Variants in ATRN observed in about 807,000 individuals in gnomAD.
ATRN encodes attractin.
A neutral mutation model predicts 178.7 loss-of-function variants in ATRN; 54 were observed. That is an observed-to-expected ratio of 0.30 (90% CI 0.24 to 0.38). The LOEUF (loss-of-function observed/expected upper bound fraction) is 0.38. Among genes scored for constraint, ATRN ranks in the 10% least tolerant of loss-of-function variants. The pLI, the probability that ATRN is intolerant of heterozygous loss-of-function variation, is 1.00. For synonymous variants in ATRN, 636 were observed against 663.0 expected (o/e 0.96, Z 0.63); for missense variants, 1,443 against 1,815.1 (o/e 0.79, Z 3.73).
At chr20:3,608,902 G>A (rs755127893) in intron 24 of ATRN, among the ~76,000 whole-genome samples, 1 of 151,490 alleles carries the variant, frequency 6.6e-6, no homozygotes, top group African/African-American at 2.4e-5. Flanking sequence ...GGGAGGAGGA[G>A]GCTGCAGTGA....
At chr20:3,510,580 C>A (rs988925103) in intron 1 of ATRN, among the ~76,000 whole-genome samples, 3 of 152,084 alleles carry the variant, frequency 2.0e-5, no homozygotes, top group African/African-American at 7.2e-5. Context: ...CTCTTTTAAT[C>A]CAGTTCCTTA....
chr20:3,582,080 T>A, intron 15 of ATRN, 55 bp from the exon 16 acceptor site: 2 of 1,516,198 alleles, frequency 1.3e-6, no homozygotes, highest in Non-Finnish European at 1.8e-6. Flanking sequence ...TCTCCAAAAT[T>A]TAAATTAAAA....
rs34398666 is a variant in ATRN, at chr20:3,644,201, C to T, written c.4098C>T (p.Ala1366=). The change falls in exon 28 of 29, where the codon GCC becomes GCT. Residue 1366 remains alanine (A), a synonymous_variant. Coordinates refer to ENST00000262919, the MANE Select transcript of ATRN (RefSeq NM_139321.3). ...IALEPCFGNK[A]AVLSVFVRLP... ...TGGAGCCGTGTTTTGGCAACAAAGCCGCTGTCCTCTCTGTGTTTGTGAGGC... is the reference window on the plus strand; with the variant it reads ...TGGAGCCGTGTTTTGGCAACAAAGCTGCTGTCCTCTCTGTGTTTGTGAGGC... The T allele has an allele frequency of 0.13, 217,314 of 1,613,860 alleles. 16,721 individuals are homozygous for T. Among genetic ancestry groups the T allele is most frequent in the Non-Finnish European group, 0.16 (188,913 of 1,179,750 alleles).
chr20:3,568,745 T>C (rs971745681), intron 11 of ATRN, among the ~76,000 whole-genome samples: 12 of 152,176 alleles, frequency 7.9e-5, no homozygotes, highest in African/African-American at 2.9e-4. Flanking sequence ...TTTATTAACA[T>C]TGAGCTCACA....
At chr20:3,590,420 C>T (rs2086424346) in intron 18 of ATRN, among the ~76,000 whole-genome samples, 1 of 152,064 alleles carries the variant, frequency 6.6e-6, no homozygotes, top group African/African-American at 2.4e-5. Flanking sequence ...AAATGTTTCC[C>T]CCATCCTATT....
intron 18 of ATRN, among the ~76,000 whole-genome samples, chr20:3,588,070 C>T (rs1030942637): frequency 6.6e-6 from 1 of 152,184 alleles, no homozygotes; most frequent in Non-Finnish European, 1.5e-5. Flanking sequence ...TGGTCTTGAA[C>T]TCCTGAGCTC....
intron 1 of ATRN, among the ~76,000 whole-genome samples, chr20:3,495,115 A>G (rs2084860783): frequency 6.6e-6 from 1 of 152,224 alleles, no homozygotes; most frequent in Non-Finnish European, 1.5e-5. Flanking sequence ...ATTTTAGATC[A>G]TAGTATGAGT....
intron 15 of ATRN, among the ~76,000 whole-genome samples, chr20:3,580,314 G>A (rs532525257): frequency 6.6e-6 from 1 of 152,254 alleles, no homozygotes; most frequent in Admixed American, 6.5e-5. Context: ...TATACTTCTG[G>A]TACCCTTTCT....
intron 25 of ATRN, among the ~76,000 whole-genome samples, chr20:3,630,331 G>C (rs1366283179): frequency 6.6e-6 from 1 of 152,124 alleles, no homozygotes; most frequent in East Asian, 1.9e-4. Flanking sequence ...CTTCAGGGGA[G>C]CAGTGCACTG....
intron 8 of ATRN, 137 bp downstream of exon 8, chr20:3,561,042 C>T: frequency 8.5e-7 from 1 of 1,179,778 alleles, no homozygotes; most frequent in South Asian, 1.5e-5. Context: ...ACACTGGGCC[C>T]AGGCGTGGTG....
At chr20:3,553,747 T>C (rs1358742193) in intron 6 of ATRN, among the ~76,000 whole-genome samples, 2 of 152,226 alleles carry the variant, frequency 1.3e-5, no homozygotes, top group East Asian at 3.9e-4. Flanking sequence ...TGGTCTAGAC[T>C]GTTCCTGCTA....
intron 23 of ATRN, among the ~76,000 whole-genome samples, chr20:3,601,306 G>T (rs117264697): frequency 0.038 from 5,781 of 152,278 alleles, 147 homozygotes; most frequent in Non-Finnish European, 0.056. Flanking sequence ...CAGGCTCAGT[G>T]TGTGGTTACT....
At chr20:3,564,736 CAT>C (rs1212989276) in intron 10 of ATRN, among the ~76,000 whole-genome samples, 10 of 152,068 alleles carry the variant, frequency 6.6e-5, no homozygotes, top group African/African-American at 2.4e-4. Flanking sequence ...GTTTTGCTGA[CAT>C]AAGCTTTGTA....
chr20:3,650,961 A>AT lies in ATRN; in HGVS notation c.*4120dup, dbSNP rs1336388474. On this transcript the variant is annotated 3_prime_UTR_variant, in exon 29 of 29. Coordinates refer to ENST00000262919, the MANE Select transcript of ATRN (RefSeq NM_139321.3). ...ACATTTAGGACTGCAATTTTTTGGT[A>AT]TTTTTTGTATTGTAAAATAACAGCT... 3 of 152,598 alleles carry AT rather than the reference A, an allele frequency of 2.0e-5. No homozygotes were observed. The highest frequency in any genetic ancestry group is 2.1e-4 in the South Asian group (1 of 4,824). 9.5% of individuals were successfully genotyped at this position (152,598 alleles called of 1,614,324 possible).
rs1173692538 is a variant in ATRN, at chr20:3,535,273, T to G, written c.431T>G (p.Phe144Cys). 1.3e-6 allele frequency: 2 copies of G among 1,535,684 alleles called. No homozygotes were observed. The change falls in exon 2 of 29, where the codon TTT becomes TGT. Residue 144 changes from phenylalanine to cysteine, a missense_variant. By Grantham distance (205) the Phe-to-Cys change is radical. Around this residue, in one of 4 missense-constraint regions of ATRN, gnomAD observed 862 missense variants for 972.1 expected, o/e 0.89. Coordinates refer to ENST00000262919, the MANE Select transcript of ATRN (RefSeq NM_139321.3). ...TACAGACTAACTGGATCTTCTGGGT[T>G]TGTGACAGATGGACCTGGAAATTAT... is the stretch of plus-strand genomic sequence containing the variant. ...GRFRLTGSSG[F>C]VTDGPGNYKY...
Position 3,645,949 on chromosome 20 carries a change from G to T in ATRN, c.4166-774G>T, listed in dbSNP as rs1309327409. On this transcript the variant is annotated intron_variant, in intron 28 of 28. Transcript: ENST00000262919. This position sits in a 1 kb window ranked among gnomAD's most constrained non-coding sequence, Gnocchi z 4.7. Reference sequence around the variant, plus strand: ...GTTATCAATACAGGAAGGAAAATGGGATTGCAAGTCCCCAAAGCAAAGTGG... The same window carrying T: ...GTTATCAATACAGGAAGGAAAATGGTATTGCAAGTCCCCAAAGCAAAGTGG... Among the ~76,000 whole-genome samples, 2 of 152,156 alleles carry T rather than the reference G, an allele frequency of 1.3e-5. No homozygotes were observed. The highest frequency in any genetic ancestry group is 2.9e-5 in the Non-Finnish European group (2 of 68,040).
intron 1 of ATRN, among the ~76,000 whole-genome samples, chr20:3,518,583 A>G (rs2085238459): frequency 6.6e-6 from 1 of 152,226 alleles, no homozygotes; most frequent in Non-Finnish European, 1.5e-5. Context: ...GTACACTTCA[A>G]AAGAGTAAGT....
intron 1 of ATRN, among the ~76,000 whole-genome samples, chr20:3,528,886 C>T (rs1017561023): frequency 3.3e-5 from 5 of 152,132 alleles, no homozygotes; most frequent in African/African-American, 9.7e-5. Flanking sequence ...CATCTTGGCT[C>T]ATGGCAACCT....
chr20:3,593,773 G>T (rs112096110), intron 19 of ATRN, among the ~76,000 whole-genome samples: 2 of 152,172 alleles, frequency 1.3e-5, no homozygotes, highest in African/African-American at 2.4e-5. Flanking sequence ...GCAAAACAGG[G>T]TATAAAGTGA....
Sources: allele counts gnomAD v4.1 joint callset (sites outside exome capture counted in the v4.1 genomes callset), GRCh38; gene constraint gnomAD v4.1.1; regional missense constraint gnomAD v4.1.1; non-coding constraint Gnocchi (gnomAD v3.1); transcripts MANE v1.5; gene names NCBI Gene and HGNC (gene_info 2026-07-23, HGNC 2026-07-21).